The following WIPF3 variants were observed in gnomAD, a reference collection of about 807,000 sequenced individuals.
The protein encoded by WIPF3 is WAS/WASL interacting protein family member 3.
A neutral mutation model predicts 38.9 loss-of-function variants in WIPF3; 33 were observed. That is an observed-to-expected ratio of 0.85 (90% CI 0.64 to 1.14). WIPF3 has a LOEUF of 1.14. Among genes scored for constraint, WIPF3 ranks in the 50% most tolerant of loss-of-function variants. WIPF3 has a pLI of 0.00. For missense variants in WIPF3, 711 were observed against 652.5 expected (o/e 1.09, Z -0.98); for synonymous variants, 324 against 269.3 (o/e 1.20, Z -1.99).
At chr7:29,882,568 C>T (rs1350170611) in intron 4 of WIPF3, among the ~76,000 whole-genome samples, 4 of 152,174 alleles carry the variant, frequency 2.6e-5, no homozygotes, top group Non-Finnish European at 5.9e-5. Flanking sequence ...ACCTGAGTCA[C>T]CTCTGCTAGG....
intron 2 of WIPF3, among the ~76,000 whole-genome samples, chr7:29,854,341 G>T (rs1023795700): frequency 2.6e-5 from 4 of 152,150 alleles, no homozygotes; most frequent in African/African-American, 9.7e-5. Flanking sequence ...GCTGTGGCTC[G>T]ATTCTTTAAT....
chr7:29,864,680 T>C (rs985072530), intron 2 of WIPF3, among the ~76,000 whole-genome samples: 1 of 152,266 alleles, frequency 6.6e-6, no homozygotes, highest in African/African-American at 2.4e-5. Flanking sequence ...ATTAAGTTAC[T>C]CAGAATCAAT....
intron 7 of WIPF3, among the ~76,000 whole-genome samples, chr7:29,902,638 G>A (rs543962035): frequency 2.6e-5 from 4 of 152,146 alleles, no homozygotes; most frequent in African/African-American, 9.6e-5. Context: ...AGGAGTTCGA[G>A]ATAAGCCTGG....
intron 1 of WIPF3, among the ~76,000 whole-genome samples, chr7:29,807,167 G>A (rs1322033615): frequency 6.6e-6 from 1 of 152,156 alleles, no homozygotes; most frequent in Non-Finnish European, 1.5e-5. Flanking sequence ...TTGCAGAGCC[G>A]GAGGTGGCTT....
intron 1 of WIPF3, among the ~76,000 whole-genome samples, chr7:29,829,490 A>G (rs1046360414): frequency 1.3e-5 from 2 of 152,096 alleles, no homozygotes; most frequent in African/African-American, 4.8e-5. Flanking sequence ...AAGTGCTAGG[A>G]TTACAGGCGT....
At position 29,876,068 on chromosome 7, in the gene WIPF3, A is replaced by T. The variant is rs1357548768; in HGVS notation, c.223+106A>T. On this transcript the variant is annotated intron_variant, in intron 3 of 8. Coordinates refer to ENST00000242140, the MANE Select transcript of WIPF3 (RefSeq NM_001080529.3). ...GGGCCACAGCTGCTTCCCAGGATGCATATGGAGCCATCTCAGACCTGCTCA... is the reference window on the plus strand; with the variant it reads ...GGGCCACAGCTGCTTCCCAGGATGCTTATGGAGCCATCTCAGACCTGCTCA... 1.3e-5 allele frequency: 19 copies of T among 1,464,074 alleles called. No homozygotes were observed. The South Asian group carries it at 1.9e-4, about 14-fold the overall frequency. 90.7% of individuals were successfully genotyped at this position (1,464,074 alleles called of 1,614,324 possible). A position where few individuals can be genotyped will look rare whatever the true frequency, so the allele number is the denominator to read the frequency against.
intron 2 of WIPF3, among the ~76,000 whole-genome samples, chr7:29,839,209 G>A (rs1784877319): frequency 6.6e-6 from 1 of 152,120 alleles, no homozygotes; most frequent in African/African-American, 2.4e-5. Context: ...ACGTTAAACT[G>A]TACAAAATTA....
chr7:29,893,077 C>CAA (rs3216983), intron 7 of WIPF3, among the ~76,000 whole-genome samples: 3 of 146,290 alleles, frequency 2.1e-5, no homozygotes, highest in Non-Finnish European at 4.5e-5. Flanking sequence ...AAACAAAAAA[C>CAA]AAAAAAAAAA....
intron 1 of WIPF3, among the ~76,000 whole-genome samples, chr7:29,830,499 AG>A (rs1384643167): frequency 6.6e-6 from 1 of 151,912 alleles, no homozygotes; most frequent in East Asian, 1.9e-4. Context: ...GTGTGCCTGT[AG>A]TCCTAGCTAC....
chr7:29,875,296 T>C (rs1785566343), intron 2 of WIPF3, among the ~76,000 whole-genome samples: 1 of 152,106 alleles, frequency 6.6e-6, no homozygotes, highest in East Asian at 1.9e-4. Flanking sequence ...GGGCCCAGCA[T>C]GAGCCACCCA....
intron 2 of WIPF3, among the ~76,000 whole-genome samples, chr7:29,848,948 G>GC (rs1435297890): frequency 3.9e-5 from 6 of 152,094 alleles, no homozygotes; most frequent in Non-Finnish European, 8.8e-5. Context: ...CACATTTAGT[G>GC]CAAAATATAA....
intron 1 of WIPF3, among the ~76,000 whole-genome samples, chr7:29,808,767 C>A (rs1271891929): frequency 6.6e-6 from 1 of 151,994 alleles, no homozygotes; most frequent in Non-Finnish European, 1.5e-5. Flanking sequence ...GCCAGCTGGT[C>A]TAGCCTGGCA....
chr7:29,807,718 C>T (rs1784305386), intron 1 of WIPF3, among the ~76,000 whole-genome samples: 1 of 152,234 alleles, frequency 6.6e-6, no homozygotes, highest in African/African-American at 2.4e-5. Context: ...CGCTTTGTAA[C>T]TGGCTGTATT....
intron 7 of WIPF3, among the ~76,000 whole-genome samples, chr7:29,894,932 G>T (rs1168777243): frequency 6.0e-4 from 65 of 107,574 alleles, no homozygotes; most frequent in Admixed American, 1.2e-3. Flanking sequence ...TTTTTTTGTT[G>T]TTGTTGTTGT....
chr7:29,856,588 G>A (rs529492471), intron 2 of WIPF3, among the ~76,000 whole-genome samples: 1 of 152,274 alleles, frequency 6.6e-6, no homozygotes, highest in South Asian at 2.1e-4. Context: ...GTGTGAACTT[G>A]CCACTGCACA....
At chr7:29,809,812 C>T (rs1020794370) in intron 1 of WIPF3, among the ~76,000 whole-genome samples, 11 of 152,134 alleles carry the variant, frequency 7.2e-5, no homozygotes, top group Admixed American at 4.6e-4. Context: ...ACAAAAATGC[C>T]CAGCGGGCAT....
chr7:29,857,735 G>A (rs1324940706), intron 2 of WIPF3, among the ~76,000 whole-genome samples: 1 of 152,058 alleles, frequency 6.6e-6, no homozygotes, highest in South Asian at 2.1e-4. Context: ...TGTAAACATT[G>A]AATATATCTC....
chr7:29,822,003 T>C (rs1459164856), intron 1 of WIPF3, among the ~76,000 whole-genome samples: 14 of 152,134 alleles, frequency 9.2e-5, no homozygotes, highest in African/African-American at 3.4e-4. Context: ...ATTAAATCCT[T>C]TAAGTTAATA....
At chr7:29,806,913 C>T (rs1320423294) in intron 1 of WIPF3, among the ~76,000 whole-genome samples, 4 of 151,012 alleles carry the variant, frequency 2.6e-5, no homozygotes, top group Non-Finnish European at 5.9e-5. Flanking sequence ...CCGCCCCGGC[C>T]GGGCCGGGCC....
Sources: gnomAD v4.1 joint callset for allele counts (sites outside exome capture counted in the v4.1 genomes callset) on GRCh38, gnomAD v4.1.1 for gene constraint, MANE v1.5 for transcripts, NCBI Gene and HGNC (gene_info 2026-07-23, HGNC 2026-07-21) for gene names.